Variants in RSKR observed in about 807,000 individuals in gnomAD.
RSKR encodes the protein ribosomal protein S6 kinase related, also known as ribosomal protein S6 kinase-related protein.
In RSKR, 44 loss-of-function variants were observed where a neutral mutation model predicts 56.8. The ratio of observed to expected loss-of-function variants is 0.77; its 90% confidence interval spans 0.61 to 1.00. The LOEUF (loss-of-function observed/expected upper bound fraction) is 1.00, where lower values mean the gene tolerates loss of function less well. RSKR is among the 50% of genes least tolerant of loss of function. RSKR has a pLI of 0.00. For missense variants in RSKR, 510 were observed against 506.9 expected, an observed-to-expected ratio of 1.01 and a Z score of -0.06; for synonymous variants, 181 against 188.0, an observed-to-expected ratio of 0.96 and a Z score of 0.30.
At position 28,610,539 on chromosome 17, in the gene RSKR, A is replaced by C; in HGVS notation, c.1172T>G (p.Met391Arg). The change falls in exon 12 of 12, where the codon ATG becomes AGG. Residue 391 changes from methionine (M) to arginine (R), a missense_variant. Met to Arg is a moderately conservative substitution (Grantham distance 91, BLOSUM62 -1). Coordinates refer to ENST00000301037, the MANE Select transcript of RSKR (RefSeq NM_001174103.2). The stretch of plus-strand genomic sequence containing the variant: ...ATCACAGTCAAAGTCGTCAAAGGGC[A>C]TGGTCTCCGCTGAACTGGGCTGGGT... ...QATQPSSAET[M>R]PFDDFDCDLE... 6.5e-7 allele frequency: 1 copy of C among 1,536,102 alleles called. No individual in the cohort carries two copies. The highest frequency in any genetic ancestry group is 8.7e-7 in the Non-Finnish European group (1 of 1,146,906).
chr17:28,612,522 G>T, intron 5 of RSKR, 96 bp downstream of exon 5: 2 of 1,444,512 alleles, frequency 1.4e-6, no homozygotes, highest in Non-Finnish European at 9.6e-7. Flanking sequence ...ATGAGAAGGG[G>T]GACAGAGCAA....
At position 28,608,042 on chromosome 17, in the gene RSKR, T is replaced by G. The variant is rs901522341; in HGVS notation, c.*2436A>C. 1 of 152,052 alleles carries G rather than the reference T, an allele frequency of 6.6e-6. No homozygotes were observed. Among genetic ancestry groups the G allele is most frequent in the African/African-American group, 2.4e-5 (1 of 41,394 alleles). 9.4% of individuals were successfully genotyped at this position (152,052 alleles called of 1,614,324 possible). A position where few individuals can be genotyped will look rare whatever the true frequency, so the allele number is the denominator to read the frequency against. On this transcript the variant is annotated 3_prime_UTR_variant, in exon 12 of 12. Coordinates refer to ENST00000301037, the MANE Select transcript of RSKR (RefSeq NM_001174103.2). Reference sequence around the variant, plus strand: ...ACAAGATGCAGATATTATAGTAATATAAAACGATTAAAACTTAGAAAAATG... The same window carrying G: ...ACAAGATGCAGATATTATAGTAATAGAAAACGATTAAAACTTAGAAAAATG...
chr17:28,608,276 G>C lies in RSKR; in HGVS notation c.*2202C>G, dbSNP rs1244017405. 2 of 152,162 alleles carry C rather than the reference G, an allele frequency of 1.3e-5. No individual in the cohort carries two copies. The highest frequency in any genetic ancestry group is 2.9e-5 in the Non-Finnish European group (2 of 68,032). 9.4% of individuals were successfully genotyped at this position (152,162 alleles called of 1,614,324 possible). ...TTCAGGAAAAGCATAACTGGGTCCAGAGAAAATTTCTCCCACGCATTCTTA... is the reference window on the plus strand; with the variant it reads ...TTCAGGAAAAGCATAACTGGGTCCACAGAAAATTTCTCCCACGCATTCTTA... On this transcript the variant is annotated 3_prime_UTR_variant, in exon 12 of 12. Transcript: ENST00000301037.
chr17:28,610,812 C>T, intron 11 of RSKR, 113 bp from the exon 12 acceptor site: 1 of 1,027,236 alleles, frequency 9.7e-7, no homozygotes, highest in Non-Finnish European at 1.4e-6. Flanking sequence ...GAATAAGAAC[C>T]CTGAAGAGTA....
Position 28,613,416 on chromosome 17 carries a change from C to CA in RSKR, c.324+23dup, listed in dbSNP as rs779870722. On this transcript the variant is annotated intron_variant, in intron 2 of 11. Transcript: ENST00000301037. ...TAACTTCTCCCAAAGACTGAGACCC[C>CA]ACTCAGGGATTCCACTGACTTACCT... 137 of 1,614,196 alleles carry CA rather than the reference C, an allele frequency of 8.5e-5. No homozygotes were observed. The African/African-American group carries it at 1.4e-3, about 16-fold the overall frequency.
Position 28,610,285 on chromosome 17 carries a change from G to A in RSKR, c.*193C>T, listed in dbSNP as rs2070793635. 2 of 591,462 alleles carry A rather than the reference G, an allele frequency of 3.4e-6. No individual in the cohort carries two copies. The highest frequency in any genetic ancestry group is 1.9e-5 in the African/African-American group (1 of 53,814). 36.6% of individuals were successfully genotyped at this position (591,462 alleles called of 1,614,324 possible). A position where few individuals can be genotyped will look rare whatever the true frequency, so the allele number is the denominator to read the frequency against. On this transcript the variant is annotated 3_prime_UTR_variant, in exon 12 of 12. Transcript: ENST00000301037. Reference sequence around the variant, plus strand: ...AATTGAGAGGTAGGTTGTATGATAGGGAAGGAATAGGGCCAGCTGTGGCTG... The same window carrying A: ...AATTGAGAGGTAGGTTGTATGATAGAGAAGGAATAGGGCCAGCTGTGGCTG...
chr17:28,608,069 G>C lies in RSKR; in HGVS notation c.*2409C>G, dbSNP rs1442464827. ...AAACGATTAAAACTTAGAAAAATGA[G>C]AATAAGGAAAATAAAAGTAGAAAAG... On this transcript the variant is annotated 3_prime_UTR_variant, in exon 12 of 12. Transcript: ENST00000301037. The C allele has an allele frequency of 2.0e-5, 3 of 152,048 alleles. No homozygotes were observed. The highest frequency in any genetic ancestry group is 4.4e-5 in the Non-Finnish European group (3 of 68,004). The allele number at this position is 152,048 out of a possible 1,614,324, so 9.4% of individuals were successfully genotyped here. A position where few individuals can be genotyped will look rare whatever the true frequency, so the allele number is the denominator to read the frequency against.
Position 28,613,279 on chromosome 17 carries a change from C to T in RSKR, c.391G>A (p.Ala131Thr), listed in dbSNP as rs2070849733. 6.2e-7 allele frequency: 1 copy of T among 1,613,904 alleles called. No individual in the cohort carries two copies. The highest frequency in any genetic ancestry group is 1.1e-5 in the South Asian group (1 of 90,908). The part of the protein sequence containing the change: ...VLKVLDCTQK[A>T]VFAVKVVPKV... ...GCCCCTACCTTCACTGCAAATACAG[C>T]TTTCTGGGTGCAATCTAGCACCTTG... Residue 131 changes from alanine (A) to threonine (T), a missense_variant, in exon 3 of 12, where the codon GCT (alanine) becomes ACT (threonine). Physicochemically the swap from Ala to Thr is moderately conservative, Grantham distance 58. Coordinates refer to ENST00000301037, the MANE Select transcript of RSKR (RefSeq NM_001174103.2).
At chr17:28,611,345 C>CGT (rs2070810495) in intron 10 of RSKR, 48 bp downstream of exon 10, 4 of 1,534,974 alleles carry the variant, frequency 2.6e-6, no homozygotes, top group Non-Finnish European at 3.5e-6. Context: ...CTTCTTCCCA[C>CGT]CACAAGGCAA....
In RSKR at chr17:28,614,169, C is replaced by T; in HGVS notation, c.-8G>A. 1 of 1,613,172 alleles carries T rather than the reference C, an allele frequency of 6.2e-7. No individual in the cohort carries two copies. Among genetic ancestry groups the T allele is most frequent in the Non-Finnish European group, 8.5e-7 (1 of 1,179,968 alleles). ...ACAGCTTACTGCTCCCATTCCCAGCCTCTGCCTCCTCTCTCTGCTAAATCT... is the reference window on the plus strand; with the variant it reads ...ACAGCTTACTGCTCCCATTCCCAGCTTCTGCCTCCTCTCTCTGCTAAATCT... On this transcript the variant is annotated 5_prime_UTR_variant, in exon 1 of 12. Transcript: ENST00000301037.
chr17:28,611,993 TTC>T lies in RSKR; in HGVS notation c.693+49_693+50del, dbSNP rs1474496690. 4 of 1,614,028 alleles carry T rather than the reference TTC, an allele frequency of 2.5e-6. No homozygotes were observed. In the Admixed American group the frequency reaches 6.7e-5, roughly 27 times the overall value. The stretch of plus-strand genomic sequence containing the variant: ...CCTAACTTCTTGGACTTGTTGGCAC[TTC>T]TTATTGAGACTCTTTCTCAGACAAA... On this transcript the variant is annotated intron_variant, in intron 7 of 11. Transcript: ENST00000301037.
chr17:28,613,334 G>A lies in RSKR; in HGVS notation c.336C>T (p.Leu112=), dbSNP rs377326767. The A allele has an allele frequency of 6.2e-6, 10 of 1,614,036 alleles. No individual in the cohort carries two copies. Among genetic ancestry groups the A allele is most frequent in the Admixed American group, 1.7e-5 (1 of 59,998 alleles). Residue 112 remains leucine, a synonymous_variant, in exon 3 of 12, where the codon CTC becomes CTT. Coordinates refer to ENST00000301037, the MANE Select transcript of RSKR (RefSeq NM_001174103.2). ...CAGTTCCAAAGGAGCCTTTAGCCAC[G>A]AGGCCTAAAATCTGTACAGAGGAAT... ...RGQQQLKILG[L]VAKGSFGTVL...
chr17:28,609,396 T>C lies in RSKR; in HGVS notation c.*1082A>G, dbSNP rs554682148. ...TGGGCTCACTAGGAGAAATTGTCAG[T>C]TTAAAAATCCTATGCTTTTCAAAGA... On this transcript the variant is annotated 3_prime_UTR_variant, in exon 12 of 12. Coordinates refer to ENST00000301037, the MANE Select transcript of RSKR (RefSeq NM_001174103.2). 3 of 152,180 alleles carry C rather than the reference T, an allele frequency of 2.0e-5. No homozygotes were observed. The East Asian group carries it at 5.8e-4, about 29-fold the overall frequency. 9.4% of individuals were successfully genotyped at this position (152,180 alleles called of 1,614,324 possible).
chr17:28,613,662 C>A lies in RSKR; in HGVS notation c.102G>T (p.Trp34Cys). The change falls in exon 2 of 12, where the codon TGG becomes TGT. Residue 34 changes from tryptophan (W) to cysteine (C), a missense_variant. By Grantham distance (215) the Trp-to-Cys change is radical. Transcript: ENST00000301037. ...TCCAGAGGCTCTTCCAGCCTCGGGC[C>A]CAGGGACCCCGGATGTTGCCACCCT... ...HKQGGNIRGP[W>C]ARGWKSLWTG... 1 of 1,614,090 alleles carries A rather than the reference C, an allele frequency of 6.2e-7. No homozygotes were observed.
In RSKR at chr17:28,611,584, C is replaced by A; in HGVS notation, c.794G>T (p.Gly265Val). 6.4e-7 allele frequency: 1 copy of A among 1,557,562 alleles called. No homozygotes were observed. The highest frequency in any genetic ancestry group is 8.7e-7 in the Non-Finnish European group (1 of 1,154,828). Residue 265 changes from glycine to valine, a missense_variant, in exon 9 of 12, where the codon GGC (glycine) becomes GTC (valine). Gly to Val is a moderately radical substitution (Grantham distance 109). Transcript: ENST00000301037. ...PQGAQAYTICGTLQYMAPEVL... is the reference protein window; with the variant it reads ...PQGAQAYTICVTLQYMAPEVL... ...TCTCTCACCCATGTACTGAAGAGTG[C>A]CACAGATAGTGTAGGCTTGAGCTCC...
chr17:28,610,195 T>C lies in RSKR; in HGVS notation c.*283A>G. On this transcript the variant is annotated 3_prime_UTR_variant, in exon 12 of 12. Transcript: ENST00000301037. Reference sequence around the variant, plus strand: ...GCAGAAGCAGCTCTGGCTGACAGCCTGAGGGTAAAGAGCACTGGAGAAGTA... The same window carrying C: ...GCAGAAGCAGCTCTGGCTGACAGCCCGAGGGTAAAGAGCACTGGAGAAGTA... 2.7e-6 allele frequency: 1 copy of C among 366,594 alleles called. No individual in the cohort carries two copies. The allele number at this position is 366,594 out of a possible 1,614,324, so 22.7% of individuals were successfully genotyped here.
Position 28,611,189 on chromosome 17 carries a change from TCA to T in RSKR, c.963_964del (p.Glu322AspfsTer6). On this transcript the variant is annotated frameshift_variant, in exon 11 of 12. Transcript: ENST00000301037. LOFTEE classifies it high-confidence loss of function. ...GCCCTGGTTAAGAGAAGCTGGGATC[TCA>T]GAGTCACTGTGGGTCACACTTGCCA... 1 of 1,536,308 alleles carries T rather than the reference TCA, an allele frequency of 6.5e-7. No individual in the cohort carries two copies. Among genetic ancestry groups the T allele is most frequent in the Non-Finnish European group, 8.7e-7 (1 of 1,146,892 alleles).
At position 28,611,799 on chromosome 17, in the gene RSKR, A is replaced by G; in HGVS notation, c.694-4T>C. ...CATCTAGAAGAATATTCTCCATCTG[A>G]AAGATCACAGGTGAGAAGTAATTCT... On this transcript the variant is annotated splice_polypyrimidine_tract_variant and splice_region_variant and intron_variant, in intron 7 of 11. Coordinates refer to ENST00000301037, the MANE Select transcript of RSKR (RefSeq NM_001174103.2). 1 of 1,614,196 alleles carries G rather than the reference A, an allele frequency of 6.2e-7. No homozygotes were observed. The highest frequency in any genetic ancestry group is 8.5e-7 in the Non-Finnish European group (1 of 1,180,028).
chr17:28,612,745 G>A (rs1051671780), intron 4 of RSKR, 58 bp from the exon 5 acceptor site: 5 of 1,558,962 alleles, frequency 3.2e-6, no homozygotes, highest in Non-Finnish European at 4.4e-6. Context: ...AATAAAGGCA[G>A]CTGAGAAATC....
Sources: gnomAD v4.1 joint callset for allele counts on GRCh38, gnomAD v4.1.1 for gene constraint, MANE v1.5 for transcripts, NCBI Gene and HGNC (gene_info 2026-07-23, HGNC 2026-07-21) for gene names.